The following EML1 variants were observed in gnomAD, a reference collection of about 807,000 sequenced individuals.
EML1 encodes EMAP like 1.
In EML1, 27 loss-of-function variants were observed where a neutral mutation model predicts 110.4. The ratio of observed to expected loss-of-function variants is 0.24; its 90% confidence interval spans 0.18 to 0.34. EML1 has a LOEUF of 0.34. Ranked by LOEUF, EML1 falls within the 10% of genes least tolerant of loss-of-function variation. The pLI is 1.00. For missense variants in EML1, 741 were observed against 1,030.9 expected, an observed-to-expected ratio of 0.72 and a Z score of 3.85; for synonymous variants, 344 against 385.8, an observed-to-expected ratio of 0.89 and a Z score of 1.27.
intron 15 of EML1, among the ~76,000 whole-genome samples, 175 bp from the exon 16 acceptor site, chr14:99,917,607 A>G (rs1361860810): frequency 1.3e-5 from 2 of 152,194 alleles, no homozygotes; most frequent in African/African-American, 2.4e-5. Flanking sequence ...GAAACGCAGC[A>G]TTCATTCAAG....
At chr14:99,774,540 A>G (rs1409003160) in intron 1 of EML1, among the ~76,000 whole-genome samples, 1 of 152,082 alleles carries the variant, frequency 6.6e-6, no homozygotes, top group African/African-American at 2.4e-5. Flanking sequence ...CACCCACTCA[A>G]GGGTTCATGC....
chr14:99,934,339 A>G (rs1252468386), intron 17 of EML1, among the ~76,000 whole-genome samples: 1 of 152,176 alleles, frequency 6.6e-6, no homozygotes, highest in East Asian at 1.9e-4. Context: ...AGCAAAAAAT[A>G]TGTATTTGCC....
At position 99,909,347 on chromosome 14, in the gene EML1, C is replaced by T. The variant is rs201019309; in HGVS notation, c.1107C>T (p.Cys369=). ...QKEEKLADVK[C]SNEAVFAADF... Reference sequence around the variant, plus strand: ...CCGAGTCCCTGTTTTTCCTATAGTGCTCTAATGAAGCTGTGTTTGCTGCGG... The same window carrying T: ...CCGAGTCCCTGTTTTTCCTATAGTGTTCTAATGAAGCTGTGTTTGCTGCGG... Residue 369 remains cysteine (C), a splice_region_variant and synonymous_variant, in exon 11 of 22, where the codon TGC becomes TGT. Transcript: ENST00000262233. The T allele has an allele frequency of 1.9e-5, 31 of 1,614,052 alleles. No homozygotes were observed. Among genetic ancestry groups the T allele is most frequent in the Non-Finnish European group, 2.5e-5 (30 of 1,180,030 alleles).
At chr14:99,789,307 C>T (rs2057633873), upstream of EML1, among the ~76,000 whole-genome samples, 1 of 152,176 alleles carries the variant, frequency 6.6e-6, no homozygotes, top group African/African-American at 2.4e-5. Context: ...CTCCTGGGTT[C>T]AAGTGACTCT....
At chr14:99,926,507 G>A (rs4905918) in intron 17 of EML1, among the ~76,000 whole-genome samples, 108,920 of 151,684 alleles carry the variant, frequency 0.72, 39,168 homozygotes, top group African/African-American at 0.74. Flanking sequence ...CTGGTCTCAA[G>A]CTCCTAGCCT....
intron 1 of EML1, among the ~76,000 whole-genome samples, chr14:99,813,698 ACT>A (rs1017252438): frequency 6.6e-6 from 1 of 152,090 alleles, no homozygotes; most frequent in Admixed American, 6.5e-5. Flanking sequence ...GCAGAGCAAG[ACT>A]CTGTCTTAAA....
At chr14:99,825,572 T>A (rs980127720) in intron 1 of EML1, among the ~76,000 whole-genome samples, 6 of 152,162 alleles carry the variant, frequency 3.9e-5, no homozygotes, top group Admixed American at 3.3e-4. Flanking sequence ...TCCCAGGCCT[T>A]ATGTTCACCT....
intron 3 of EML1, among the ~76,000 whole-genome samples, chr14:99,870,340 C>T (rs1157667708): frequency 6.6e-6 from 1 of 152,172 alleles, no homozygotes; most frequent in Non-Finnish European, 1.5e-5. Context: ...GAGGTTGGCT[C>T]ATGAGGTTTA....
intron 1 of EML1, among the ~76,000 whole-genome samples, chr14:99,824,074 A>G (rs1301219428): frequency 1.3e-5 from 2 of 152,042 alleles, no homozygotes; most frequent in Non-Finnish European, 2.9e-5. Flanking sequence ...CTCCTGCCTT[A>G]GCCTCCCTAG....
chr14:99,893,392 G>A (rs2059620086), intron 5 of EML1, among the ~76,000 whole-genome samples: 1 of 152,168 alleles, frequency 6.6e-6, no homozygotes, highest in Admixed American at 6.5e-5. Context: ...GACATTGTAA[G>A]GGGAGGATCC....
intron 16 of EML1, among the ~76,000 whole-genome samples, chr14:99,918,347 C>T (rs1429145872): frequency 2.0e-5 from 3 of 152,170 alleles, no homozygotes; most frequent in East Asian, 1.9e-4. Context: ...CCTCCCACCT[C>T]GGTCTCCCAA....
intron 1 of EML1, among the ~76,000 whole-genome samples, chr14:99,838,097 G>A (rs985314084): frequency 3.3e-5 from 5 of 152,098 alleles, no homozygotes; most frequent in African/African-American, 2.4e-5. Context: ...CACCATGCCC[G>A]GCTACACTGT....
At chr14:99,865,451 T>C in intron 2 of EML1, 63 bp from the exon 3 acceptor site, 3 of 1,601,370 alleles carry the variant, frequency 1.9e-6, no homozygotes, top group Non-Finnish European at 2.6e-6. Context: ...TGAGGACCCC[T>C]GCTGTAAAAT....
At chr14:99,832,798 C>T (rs1202747249) in intron 1 of EML1, among the ~76,000 whole-genome samples, 1 of 152,118 alleles carries the variant, frequency 6.6e-6, no homozygotes, top group East Asian at 1.9e-4. Context: ...TAAATATTTT[C>T]TCTTGTTCTG....
rs529034300 is a variant in EML1 at position 99,936,436 on chromosome 14, C to T, written c.2095+102C>T. ...GAACCCACCTCCTGTATGACTTAGG[C>T]ACGTGCCATCATCTCTAGGTCATGG... On this transcript the variant is annotated intron_variant, in intron 19 of 21. Transcript: ENST00000262233. This position sits in a 1 kb window ranked among gnomAD's most constrained non-coding sequence, Gnocchi z 5.5. 2.0e-4 allele frequency: 210 copies of T among 1,027,060 alleles called. 1 individual carries two copies. The highest frequency in any genetic ancestry group is 4.2e-4 in the South Asian group (29 of 69,490). 63.6% of individuals were successfully genotyped at this position (1,027,060 alleles called of 1,614,324 possible). A position where few individuals can be genotyped will look rare whatever the true frequency, so the allele number is the denominator to read the frequency against.
chr14:99,851,166 C>T (rs147768353), intron 2 of EML1, 131 bp downstream of exon 2: 31 of 997,404 alleles, frequency 3.1e-5, no homozygotes, highest in African/African-American at 2.9e-4. Flanking sequence ...ACAGTCTTAG[C>T]ACTGTCAACA....
At position 99,837,495 on chromosome 14, in the gene EML1, T is replaced by C. The variant is rs184961637; in HGVS notation, c.68-13358T>C. ...CACTTTTTAAAAAGTAGCTACAGAA[T>C]GTCAAAAAGGATTAAAAATTTTTTT... On this transcript the variant is annotated intron_variant, in intron 1 of 21. Transcript: ENST00000262233. 2.5e-3 allele frequency among the ~76,000 whole-genome samples: 375 copies of C among 152,350 alleles called. 6 individuals are homozygous for C. The highest frequency in any genetic ancestry group is 7.8e-3 in the Admixed American group (119 of 15,306).
At chr14:99,805,401 G>C (rs559076174) in intron 1 of EML1, among the ~76,000 whole-genome samples, 1 of 152,312 alleles carries the variant, frequency 6.6e-6, no homozygotes, top group South Asian at 2.1e-4. Flanking sequence ...CCGTCTTTCT[G>C]TTAACAGTTG....
intron 1 of EML1, among the ~76,000 whole-genome samples, chr14:99,786,032 T>G (rs1595278038): frequency 7.4e-6 from 1 of 135,118 alleles, no homozygotes; most frequent in African/African-American, 2.9e-5. Context: ...AAGTTCAACA[T>G]GGAGCCTACA....
Sources: allele counts gnomAD v4.1 joint callset (sites outside exome capture counted in the v4.1 genomes callset), GRCh38; gene constraint gnomAD v4.1.1; non-coding constraint Gnocchi (gnomAD v3.1); transcripts MANE v1.5; gene names NCBI Gene and HGNC (gene_info 2026-07-23, HGNC 2026-07-21).